The following GPC5 variants were observed in gnomAD, a reference collection of about 807,000 sequenced individuals.
The protein encoded by GPC5 is glypican-5.
Under a neutral mutation model 53.9 loss-of-function variants are expected in GPC5, and 47 were observed. The observed-to-expected ratio is 0.87, with a 90% CI of 0.69 to 1.11. The LOEUF is 1.11. Ranked by LOEUF, GPC5 falls within the 50% of genes most tolerant of loss-of-function variation. The pLI, the probability that GPC5 is intolerant of heterozygous loss-of-function variation, is 0.00. For missense variants in GPC5, 748 were observed against 713.1 expected (o/e 1.05, Z -0.56); for synonymous variants, 286 against 263.3 (o/e 1.09, Z -0.84).
chr13:91,420,461 G>A (rs140418817), intron 1 of GPC5, among the ~76,000 whole-genome samples: 118 of 152,200 alleles, frequency 7.8e-4, no homozygotes, highest in African/African-American at 2.8e-3. Context: ...AGCATGTCAA[G>A]CTGTTTATTC....
intron 6 of GPC5, among the ~76,000 whole-genome samples, chr13:92,070,552 T>C (rs1425972567): frequency 2.0e-5 from 3 of 152,336 alleles, no homozygotes; most frequent in Non-Finnish European, 1.5e-5. Context: ...CTTTCATTAC[T>C]GTAATCCCCT....
intron 6 of GPC5, among the ~76,000 whole-genome samples, chr13:91,950,342 C>T (rs1452101932): frequency 1.4e-5 from 2 of 145,554 alleles, no homozygotes; most frequent in African/African-American, 5.1e-5. Flanking sequence ...ATTCTCTGCT[C>T]CCCTCCCTCC....
intron 7 of GPC5, among the ~76,000 whole-genome samples, chr13:92,844,706 G>A (rs890931089): frequency 1.3e-5 from 2 of 151,886 alleles, no homozygotes; most frequent in Non-Finnish European, 2.9e-5. Context: ...TTCGTATTTT[G>A]GAAATCCTGA....
At chr13:91,764,939 C>T (rs9589353) in intron 5 of GPC5, among the ~76,000 whole-genome samples, 1,840 of 152,326 alleles carry the variant, frequency 0.012, 34 homozygotes, top group African/African-American at 0.043. Context: ...GTGCTTAAGA[C>T]AATGTCTCTC....
chr13:92,806,774 C>G (rs1877116030), intron 7 of GPC5, among the ~76,000 whole-genome samples: 1 of 151,952 alleles, frequency 6.6e-6, no homozygotes, highest in Non-Finnish European at 1.5e-5. Context: ...TCATGGTGCT[C>G]TAAAACAATT....
At chr13:91,588,879 T>C (rs1319399277) in intron 2 of GPC5, among the ~76,000 whole-genome samples, 1 of 152,158 alleles carries the variant, frequency 6.6e-6, no homozygotes, top group Non-Finnish European at 1.5e-5. Context: ...GCTGTGTCAT[T>C]GTCTTCTTCC....
chr13:92,168,629 G>A (rs761694569), intron 7 of GPC5, among the ~76,000 whole-genome samples: 11 of 152,054 alleles, frequency 7.2e-5, no homozygotes, highest in Non-Finnish European at 1.3e-4. Context: ...AAACCACAAC[G>A]AGATACCATC....
At chr13:91,634,707 A>G (rs1683405551) in intron 2 of GPC5, among the ~76,000 whole-genome samples, 1 of 152,074 alleles carries the variant, frequency 6.6e-6, no homozygotes, top group African/African-American at 2.4e-5. Context: ...ATATAGTTTT[A>G]TATACCAGTA....
rs116786968 is a variant in GPC5, at chr13:92,560,470, G to A, written c.1562-305812G>A. ...AAACCAGAAAGTCTCTGAATGGGCT[G>A]CAGCAGAAACAGTTAAGGTTTGTGA... On this transcript the variant is annotated intron_variant, in intron 7 of 7. Coordinates refer to ENST00000377067, the MANE Select transcript of GPC5 (RefSeq NM_004466.6). Among the ~76,000 whole-genome samples the A allele has an allele frequency of 4.3e-3, 658 of 152,144 alleles. 2 individuals are homozygous for A. Among genetic ancestry groups the A allele is most frequent in the African/African-American group, 0.015 (617 of 41,548 alleles).
intron 7 of GPC5, among the ~76,000 whole-genome samples, chr13:92,146,838 G>T (rs968955498): frequency 6.6e-6 from 1 of 151,944 alleles, no homozygotes; most frequent in Non-Finnish European, 1.5e-5. Flanking sequence ...AATACCATTA[G>T]TTCATTCCCT....
At chr13:91,520,067 T>C (rs1885720782) in intron 2 of GPC5, among the ~76,000 whole-genome samples, 1 of 152,166 alleles carries the variant, frequency 6.6e-6, no homozygotes. Flanking sequence ...AGCTAGAGAT[T>C]TGATCCTGCA....
rs146864053 is a variant in GPC5 at position 91,478,528 on chromosome 13, T to C, written c.325+29606T>C. Among the ~76,000 whole-genome samples, 121 of 151,986 alleles carry C rather than the reference T, an allele frequency of 8.0e-4. No individual in the cohort carries two copies. In the East Asian group the frequency reaches 0.023, roughly 29 times the overall value. On this transcript the variant is annotated intron_variant, in intron 2 of 7. Coordinates refer to ENST00000377067, the MANE Select transcript of GPC5 (RefSeq NM_004466.6). ...ATTTATTACATTTATTGTTTTTACATTATTTTTCACATTTTATCTTGAAAT... is the reference window on the plus strand; with the variant it reads ...ATTTATTACATTTATTGTTTTTACACTATTTTTCACATTTTATCTTGAAAT...
At chr13:91,487,091 C>T (rs1883648033) in intron 2 of GPC5, among the ~76,000 whole-genome samples, 1 of 152,110 alleles carries the variant, frequency 6.6e-6, no homozygotes, top group Non-Finnish European at 1.5e-5. Context: ...GTTTCCTCTT[C>T]ACCTTCTGAG....
intron 7 of GPC5, among the ~76,000 whole-genome samples, chr13:92,702,049 T>G (rs770792075): frequency 6.6e-6 from 1 of 152,046 alleles, no homozygotes; most frequent in Non-Finnish European, 1.5e-5. Context: ...GGACGTGCAC[T>G]CTCCAGAGGA....
intron 6 of GPC5, among the ~76,000 whole-genome samples, chr13:92,037,091 CA>C (rs1410042244): frequency 1.3e-5 from 2 of 152,108 alleles, no homozygotes; most frequent in East Asian, 3.9e-4. Flanking sequence ...CACAAATAAC[CA>C]AACTCTGTCT....
At chr13:92,676,875 T>C (rs1288290914) in intron 7 of GPC5, among the ~76,000 whole-genome samples, 1 of 152,038 alleles carries the variant, frequency 6.6e-6, no homozygotes, top group Non-Finnish European at 1.5e-5. Context: ...TGATACTTAA[T>C]CTAAAAAGTG....
At chr13:91,814,025 C>T (rs188255238) in intron 5 of GPC5, among the ~76,000 whole-genome samples, 9 of 142,424 alleles carry the variant, frequency 6.3e-5, no homozygotes, top group Non-Finnish European at 9.0e-5. Flanking sequence ...CTCTGCCTTC[C>T]GGGTTCAAGC....
At chr13:92,342,330 G>C (rs932348733) in intron 7 of GPC5, among the ~76,000 whole-genome samples, 1 of 152,044 alleles carries the variant, frequency 6.6e-6, no homozygotes, top group Non-Finnish European at 1.5e-5. Context: ...TGGCTACTGG[G>C]GGACATTGTT....
rs142219888 is a variant in GPC5, at chr13:91,986,190, C to T, written c.1401+78133C>T. ...ATACCATTCTCCTGCCTCAGCCTCC[C>T]GAGTATCTGGGACTACAGGCACCCA... is the stretch of plus-strand genomic sequence containing the variant. On this transcript the variant is annotated intron_variant, in intron 6 of 7. Coordinates refer to ENST00000377067, the MANE Select transcript of GPC5 (RefSeq NM_004466.6). Among the ~76,000 whole-genome samples the T allele has an allele frequency of 6.8e-3, 1,023 of 150,742 alleles. 50 individuals carry two copies. In the East Asian group the frequency reaches 0.11, roughly 17 times the overall value.
Sources: allele counts gnomAD v4.1 joint callset (sites outside exome capture counted in the v4.1 genomes callset), GRCh38; gene constraint gnomAD v4.1.1; transcripts MANE v1.5; gene names NCBI Gene and HGNC (gene_info 2026-07-23, HGNC 2026-07-21).